MFHAS1: variants seen among roughly 807,000 people sequenced by gnomAD.
The protein encoded by MFHAS1 is malignant fibrous histiocytoma-amplified sequence 1.
MFHAS1 carries 50 observed loss-of-function variants against 70.4 expected under a neutral mutation model. That is an observed-to-expected ratio of 0.71 (90% CI 0.57 to 0.90). The LOEUF (loss-of-function observed/expected upper bound fraction) is 0.90. MFHAS1 is among the 40% of genes least tolerant of loss of function. MFHAS1 has a pLI of 0.00. For synonymous variants in MFHAS1, 952 were observed against 620.0 expected, an observed-to-expected ratio of 1.54 and a Z score of -7.96; for missense variants, 1,795 against 1,347.6, an observed-to-expected ratio of 1.33 and a Z score of -5.20.
intron 1 of MFHAS1, among the ~76,000 whole-genome samples, chr8:8,816,790 T>G (rs1806763919): frequency 6.6e-6 from 1 of 151,878 alleles, no homozygotes; most frequent in South Asian, 2.1e-4. Flanking sequence ...TTTGAAGGAG[T>G]AGCAATAACA....
At chr8:8,833,542 C>G (rs1314997365) in intron 1 of MFHAS1, among the ~76,000 whole-genome samples, 1 of 152,026 alleles carries the variant, frequency 6.6e-6, no homozygotes, top group African/African-American at 2.4e-5. Flanking sequence ...GGTAGGAAGA[C>G]TGCTTGAAAC....
chr8:8,822,358 G>C (rs571582961), intron 1 of MFHAS1, among the ~76,000 whole-genome samples: 1 of 152,320 alleles, frequency 6.6e-6, no homozygotes, highest in South Asian at 2.1e-4. Context: ...ATGGCACTGA[G>C]ACGTGACCAT....
At chr8:8,876,553 G>A (rs753853876) in intron 1 of MFHAS1, among the ~76,000 whole-genome samples, 16 of 151,958 alleles carry the variant, frequency 1.1e-4, no homozygotes, top group African/African-American at 3.6e-4. Context: ...TGGCTAACGT[G>A]GTGAAACCCC....
At chr8:8,803,809 T>TA (rs532698279) in intron 1 of MFHAS1, among the ~76,000 whole-genome samples, 162 of 151,908 alleles carry the variant, frequency 1.1e-3, no homozygotes, top group African/African-American at 3.7e-3. Context: ...TCGGCTCTAC[T>TA]AAAAAAACAA....
chr8:8,857,591 T>C (rs573856905), intron 1 of MFHAS1, among the ~76,000 whole-genome samples: 9 of 151,992 alleles, frequency 5.9e-5, no homozygotes, highest in South Asian at 4.2e-4. Flanking sequence ...ACCCCGTCTC[T>C]ACCAAAAAAT....
Position 8,811,726 on chromosome 8 carries a change from C to G in MFHAS1, c.2999-14235G>C, listed in dbSNP as rs141561739. On this transcript the variant is annotated intron_variant, in intron 1 of 2. Coordinates refer to ENST00000276282, the MANE Select transcript of MFHAS1 (RefSeq NM_004225.3). Reference sequence around the variant, plus strand: ...CCCAAGCATCCAGAACAATGTCAGGCACACGGCAGGCCCTAGATATATGTT... The same window carrying G: ...CCCAAGCATCCAGAACAATGTCAGGGACACGGCAGGCCCTAGATATATGTT... Among the ~76,000 whole-genome samples the G allele has an allele frequency of 3.3e-4, 50 of 152,368 alleles. No individual in the cohort carries two copies. The East Asian group carries it at 9.1e-3, about 28-fold the overall frequency.
At chr8:8,874,161 T>C (rs766705807) in intron 1 of MFHAS1, among the ~76,000 whole-genome samples, 1 of 152,162 alleles carries the variant, frequency 6.6e-6, no homozygotes, top group Admixed American at 6.5e-5. Context: ...AGAGGGATTA[T>C]TAACCCTGAA....
At chr8:8,810,828 C>T (rs955686876) in intron 1 of MFHAS1, among the ~76,000 whole-genome samples, 7 of 152,122 alleles carry the variant, frequency 4.6e-5, no homozygotes, top group Non-Finnish European at 8.8e-5. Context: ...AGTGTACTTG[C>T]TTCTTGTCTC....
chr8:8,832,329 G>A (rs958386374), intron 1 of MFHAS1, among the ~76,000 whole-genome samples: 1 of 151,698 alleles, frequency 6.6e-6, no homozygotes, highest in African/African-American at 2.4e-5. Context: ...TCTGGCAAAG[G>A]ACTTGTTTCT....
chr8:8,855,213 A>G (rs1014947096), intron 1 of MFHAS1, among the ~76,000 whole-genome samples: 3 of 152,216 alleles, frequency 2.0e-5, no homozygotes, highest in Non-Finnish European at 2.9e-5. Context: ...TCGGCCTCCC[A>G]AAGTGCTGGG....
chr8:8,879,327 G>T (rs1337412777), intron 1 of MFHAS1, among the ~76,000 whole-genome samples: 2 of 152,030 alleles, frequency 1.3e-5, no homozygotes, highest in Non-Finnish European at 2.9e-5. Flanking sequence ...CTCAAGCCTG[G>T]GTGGCAGAGA....
intron 1 of MFHAS1, among the ~76,000 whole-genome samples, chr8:8,845,097 G>C (rs7820738): frequency 0.46 from 69,298 of 152,074 alleles, 16,400 homozygotes; most frequent in East Asian, 0.73. Context: ...TTTCCCTTTA[G>C]AGTTACGAAC....
In MFHAS1 at chr8:8,892,236, G is replaced by A; in HGVS notation, c.823C>T (p.Leu275Phe). The part of the protein sequence containing the change: ...LPAQFSCLQR[L>F]KMLNLSSNLF... ...TTGGAGGAGAGGTTGAGCATTTTGA[G>A]CCGCTGCAGGCAGCTGAACTGGGCG... Residue 275 changes from leucine to phenylalanine, a missense_variant, in exon 1 of 3, where the codon CTC becomes TTC. Coordinates refer to ENST00000276282, the MANE Select transcript of MFHAS1 (RefSeq NM_004225.3). The surrounding 1 kb of genome is among the most constrained non-coding windows in gnomAD (Gnocchi z 4.7). 6.2e-7 allele frequency: 1 copy of A among 1,611,476 alleles called. No homozygotes were observed.
intron 1 of MFHAS1, among the ~76,000 whole-genome samples, chr8:8,822,495 C>A (rs1231957730): frequency 7.5e-6 from 1 of 132,990 alleles, no homozygotes; most frequent in Non-Finnish European, 1.6e-5. Context: ...GGACCCAAGT[C>A]AGGGGGACTG....
chr8:8,812,939 G>C (rs1259190941), intron 1 of MFHAS1, among the ~76,000 whole-genome samples: 1 of 152,136 alleles, frequency 6.6e-6, no homozygotes, highest in Non-Finnish European at 1.5e-5. Context: ...ACTAAAGGTT[G>C]TATTTTTAGT....
intron 1 of MFHAS1, among the ~76,000 whole-genome samples, chr8:8,871,893 A>C (rs1341595667): frequency 6.6e-6 from 1 of 152,224 alleles, no homozygotes; most frequent in Non-Finnish European, 1.5e-5. Flanking sequence ...AGTAAGCTGC[A>C]TGGCAATATT....
chr8:8,890,988 G>C lies in MFHAS1; in HGVS notation c.2071C>G (p.Leu691Val), dbSNP rs751414528. Residue 691 changes from leucine (L) to valine (V), a missense_variant, in exon 1 of 3, where the codon CTG becomes GTG. By Grantham distance (32) the Leu-to-Val change is conservative. Coordinates refer to ENST00000276282, the MANE Select transcript of MFHAS1 (RefSeq NM_004225.3). ...LSWWDSARLGLQAGLTEDRLQ... is the reference protein window; with the variant it reads ...LSWWDSARLGVQAGLTEDRLQ... ...CGGTCCTCGGTCAGACCCGCCTGCA[G>C]GCCCAAGCGCGCCGAGTCCCACCAG... 1.9e-6 allele frequency: 3 copies of C among 1,614,008 alleles called. No individual in the cohort carries two copies. The highest frequency in any genetic ancestry group is 1.7e-6 in the Non-Finnish European group (2 of 1,179,998).
At chr8:8,825,046 G>A (rs1249428573) in intron 1 of MFHAS1, among the ~76,000 whole-genome samples, 1 of 152,246 alleles carries the variant, frequency 6.6e-6, no homozygotes, top group East Asian at 1.9e-4. Flanking sequence ...GCAATCTCAT[G>A]CTGTCCTAGA....
At chr8:8,786,577 A>G (rs1453465957) in intron 2 of MFHAS1, among the ~76,000 whole-genome samples, 2 of 152,230 alleles carry the variant, frequency 1.3e-5, no homozygotes, top group African/African-American at 2.4e-5. Flanking sequence ...GAATGAATAA[A>G]CTACTGCAGC....
Sources: gnomAD v4.1 joint callset for allele counts (sites outside exome capture counted in the v4.1 genomes callset) on GRCh38, gnomAD v4.1.1 for gene constraint, Gnocchi (gnomAD v3.1) non-coding constraint, MANE v1.5 for transcripts, NCBI Gene and HGNC (gene_info 2026-07-23, HGNC 2026-07-21) for gene names.